SULF1: variants seen among roughly 807,000 people sequenced by gnomAD.
The protein encoded by SULF1 is extracellular sulfatase Sulf-1.
A neutral mutation model predicts 110.5 loss-of-function variants in SULF1; 46 were observed. That is an observed-to-expected ratio of 0.42 (90% CI 0.33 to 0.53). SULF1 has a LOEUF of 0.53. Among genes scored for constraint, SULF1 ranks in the 20% least tolerant of loss-of-function variants. SULF1 has a pLI of 0.12. For missense variants in SULF1, 941 were observed against 1,094.2 expected (o/e 0.86, Z 1.98); for synonymous variants, 371 against 387.1 (o/e 0.96, Z 0.49).
In SULF1 at chr8:69,589,133, CCAACACATG is replaced by C. The variant is rs1193844243; in HGVS notation, c.727_734+1del. Reference sequence around the variant, plus strand: ...TTTCTAAACTGTACCCCAATGCTTCCCAACACATGTAAGTAACAAACTCAACTCTGCGAC... The same window carrying C: ...TTTCTAAACTGTACCCCAATGCTTCCTAAGTAACAAACTCAACTCTGCGAC... On this transcript the variant is annotated splice_donor_variant and coding_sequence_variant, in exon 8 of 23. Coordinates refer to ENST00000402687, the MANE Select transcript of SULF1 (RefSeq NM_001128205.2). LOFTEE classifies it high-confidence loss of function. 1 of 1,613,402 alleles carries C rather than the reference CCAACACATG, an allele frequency of 6.2e-7. No individual in the cohort carries two copies. The highest frequency in any genetic ancestry group is 1.1e-5 in the South Asian group (1 of 91,026).
At chr8:69,538,650 T>C (rs1230550392) in intron 3 of SULF1, among the ~76,000 whole-genome samples, 2 of 152,280 alleles carry the variant, frequency 1.3e-5, no homozygotes, top group Admixed American at 6.5e-5. Context: ...TCCAACACTA[T>C]AGTCTTTTTT....
Position 69,552,628 on chromosome 8 carries a change from A to G in SULF1, c.-133-10911A>G, listed in dbSNP as rs189810149. ...TGGGCATTAAATATGCTGGCTTGCTATTTGTGTAACTACAGTTTTACAGGA... is the reference window on the plus strand; with the variant it reads ...TGGGCATTAAATATGCTGGCTTGCTGTTTGTGTAACTACAGTTTTACAGGA... On this transcript the variant is annotated intron_variant, in intron 3 of 22. Transcript: ENST00000402687. Among the ~76,000 whole-genome samples, 10 of 152,326 alleles carry G rather than the reference A, an allele frequency of 6.6e-5. No homozygotes were observed. The East Asian group carries it at 1.7e-3, about 26-fold the overall frequency.
intron 8 of SULF1, among the ~76,000 whole-genome samples, chr8:69,595,664 T>G (rs1236910109): frequency 6.6e-6 from 1 of 152,236 alleles, no homozygotes; most frequent in African/African-American, 2.4e-5. Flanking sequence ...TCTCAGAGAA[T>G]GATGGTTCTG....
intron 8 of SULF1, among the ~76,000 whole-genome samples, chr8:69,593,663 C>T (rs375085813): frequency 1.3e-5 from 2 of 152,174 alleles, no homozygotes; most frequent in Admixed American, 1.3e-4. Flanking sequence ...AGGGGATTAT[C>T]GACCACTTGT....
At chr8:69,560,210 G>A (rs1815387106) in intron 3 of SULF1, among the ~76,000 whole-genome samples, 1 of 152,168 alleles carries the variant, frequency 6.6e-6, no homozygotes. Flanking sequence ...CAGCCAAAGT[G>A]GGGATTGGGG....
At chr8:69,475,155 C>G (rs1022912757) in intron 1 of SULF1, among the ~76,000 whole-genome samples, 3 of 152,134 alleles carry the variant, frequency 2.0e-5, no homozygotes, top group Non-Finnish European at 4.4e-5. Flanking sequence ...TTGTGATCCT[C>G]TCTTGCCTCT....
chr8:69,497,155 CTTTTT>C (rs5892193), intron 2 of SULF1, among the ~76,000 whole-genome samples: 3 of 121,706 alleles, frequency 2.5e-5, no homozygotes, highest in Non-Finnish European at 3.4e-5. Context: ...GTTCTTTTCT[CTTTTT>C]TTTTTTTTTT....
At chr8:69,540,014 G>A (rs146015350) in intron 3 of SULF1, among the ~76,000 whole-genome samples, 1 of 152,320 alleles carries the variant, frequency 6.6e-6, no homozygotes, top group African/African-American at 2.4e-5. Context: ...AGCCATTACA[G>A]TGATCTGGAA....
intron 8 of SULF1, among the ~76,000 whole-genome samples, chr8:69,597,908 C>A (rs1807468363): frequency 6.6e-6 from 1 of 152,098 alleles, no homozygotes; most frequent in African/African-American, 2.4e-5. Flanking sequence ...TTCTATATTT[C>A]TCTGACCTCG....
At position 69,496,127 on chromosome 8, in the gene SULF1, C is replaced by T. The variant is rs528181590; in HGVS notation, c.-229+201C>T. Among the ~76,000 whole-genome samples, 7 of 152,370 alleles carry T rather than the reference C, an allele frequency of 4.6e-5. No homozygotes were observed. In the South Asian group the frequency reaches 8.3e-4, roughly 18 times the overall value. On this transcript the variant is annotated intron_variant, in intron 2 of 22. Transcript: ENST00000402687. Reference sequence around the variant, plus strand: ...TTAATCTTCTAGGCAAAGCCTCTATCGGATTTCCTGGATTTCAGAGCTGTT... The same window carrying T: ...TTAATCTTCTAGGCAAAGCCTCTATTGGATTTCCTGGATTTCAGAGCTGTT...
At chr8:69,619,817 G>A (rs1809463633) in intron 13 of SULF1, among the ~76,000 whole-genome samples, 1 of 152,210 alleles carries the variant, frequency 6.6e-6, no homozygotes, top group African/African-American at 2.4e-5. Flanking sequence ...GAACCAGGGC[G>A]AGTCTTTTGG....
rs144010163 is a variant in SULF1, at chr8:69,603,225, C to T, written c.1095C>T (p.Ala365=). The change falls in exon 11 of 23, where the codon GCC becomes GCT. Residue 365 remains alanine (A), a synonymous_variant. Transcript: ENST00000402687. The part of the protein sequence containing the change: ...VPQIVLNIDL[A]PTILDIAGLD... Reference sequence around the variant, plus strand: ...AGATCGTTCTCAACATTGACTTGGCCCCCACGATCCTGGATATTGCTGGGC... The same window carrying T: ...AGATCGTTCTCAACATTGACTTGGCTCCCACGATCCTGGATATTGCTGGGC... The T allele has an allele frequency of 3.1e-6, 5 of 1,614,048 alleles. No individual in the cohort carries two copies. Among genetic ancestry groups the T allele is most frequent in the Non-Finnish European group, 4.2e-6 (5 of 1,180,046 alleles).
At chr8:69,552,266 A>G (rs1034326282) in intron 3 of SULF1, among the ~76,000 whole-genome samples, 3 of 152,188 alleles carry the variant, frequency 2.0e-5, no homozygotes, top group Non-Finnish European at 2.9e-5. Flanking sequence ...TAAAGTGTCC[A>G]GTATTCTGAA....
chr8:69,645,655 A>G (rs1461948693), intron 22 of SULF1, among the ~76,000 whole-genome samples: 1 of 152,212 alleles, frequency 6.6e-6, no homozygotes, highest in African/African-American at 2.4e-5. Context: ...CCTGAAGGCA[A>G]CAGTGCAGTG....
rs569340644 is a variant in SULF1 at position 69,651,890 on chromosome 8, C to A, written c.2586-6615C>A. Among the ~76,000 whole-genome samples the A allele has an allele frequency of 1.0e-3, 153 of 152,116 alleles. 1 individual carries two copies. Among genetic ancestry groups the A allele is most frequent in the Non-Finnish European group, 1.8e-3 (120 of 67,996 alleles). On this transcript the variant is annotated intron_variant, in intron 22 of 22. Transcript: ENST00000402687. ...ACTGCTGTAATAAATTACCACTGTGCCTTTAAAACAACACAAATTTATTCT... is the reference window on the plus strand; with the variant it reads ...ACTGCTGTAATAAATTACCACTGTGACTTTAAAACAACACAAATTTATTCT...
chr8:69,539,649 T>C (rs1450700014), intron 3 of SULF1, among the ~76,000 whole-genome samples: 1 of 129,976 alleles, frequency 7.7e-6, no homozygotes, highest in East Asian at 2.0e-4. Context: ...AGAGGGAAAA[T>C]AACTGTCCGA....
At chr8:69,624,880 T>C (rs535694935) in intron 15 of SULF1, among the ~76,000 whole-genome samples, 149 of 152,374 alleles carry the variant, frequency 9.8e-4, no homozygotes, top group African/African-American at 3.4e-3. Flanking sequence ...GTTTTCTTTC[T>C]GAATTTATTA....
At chr8:69,546,352 G>A (rs1230617178) in intron 3 of SULF1, among the ~76,000 whole-genome samples, 2 of 152,118 alleles carry the variant, frequency 1.3e-5, no homozygotes, top group African/African-American at 4.8e-5. Flanking sequence ...AAACTATTTT[G>A]TCCTCTACAT....
intron 6 of SULF1, among the ~76,000 whole-genome samples, chr8:69,581,437 G>A (rs1008047358): frequency 6.6e-6 from 1 of 152,134 alleles, no homozygotes; most frequent in African/African-American, 2.4e-5. Flanking sequence ...ATGGCCTGAA[G>A]CCAACAATAA....
Sources: allele counts gnomAD v4.1 joint callset (sites outside exome capture counted in the v4.1 genomes callset), GRCh38; gene constraint gnomAD v4.1.1; transcripts MANE v1.5; gene names NCBI Gene and HGNC (gene_info 2026-07-23, HGNC 2026-07-21).